Variants in SCARB2 observed in about 807,000 individuals in gnomAD.
The protein encoded by SCARB2 is scavenger receptor class B member 2.
SCARB2 carries 29 observed loss-of-function variants against 58.6 expected under a neutral mutation model. The ratio of observed to expected loss-of-function variants is 0.49; its 90% confidence interval spans 0.37 to 0.67. SCARB2 has a LOEUF of 0.67. SCARB2 is among the 30% of genes least tolerant of loss of function. The pLI, the probability that SCARB2 is intolerant of heterozygous loss-of-function variation, is 0.00. For synonymous variants in SCARB2, 195 were observed against 210.1 expected, an observed-to-expected ratio of 0.93 and a Z score of 0.62; for missense variants, 488 against 578.5, an observed-to-expected ratio of 0.84 and a Z score of 1.60.
intron 1 of SCARB2, among the ~76,000 whole-genome samples, chr4:76,204,088 T>C (rs1732882740): frequency 6.6e-6 from 1 of 152,142 alleles, no homozygotes. Context: ...TGTGTATGGA[T>C]GGTATATTGG....
At chr4:76,176,377 A>T in intron 5 of SCARB2, 60 bp downstream of exon 5, 1 of 1,145,818 alleles carries the variant, frequency 8.7e-7, no homozygotes, top group Non-Finnish European at 1.3e-6. Flanking sequence ...ATGTAGAAGT[A>T]GACATGTAGT....
intron 6 of SCARB2, chr4:76,175,178 C>T (rs1233241416): frequency 6.5e-6 from 1 of 153,038 alleles, no homozygotes; most frequent in Non-Finnish European, 1.5e-5. Flanking sequence ...TAACAAATAC[C>T]TTTGTATCTG....
intron 2 of SCARB2, among the ~76,000 whole-genome samples, chr4:76,190,328 A>T (rs17001606): frequency 0.028 from 4,200 of 152,220 alleles, 150 homozygotes; most frequent in African/African-American, 0.086. Context: ...ATTTTAAATA[A>T]GATGTAACAG....
chr4:76,213,567 G>A lies in SCARB2; in HGVS notation c.-24C>T. ...ATTCTGTGCGCCGCTCACGGGCCGG[G>A]CCGGGCCGCACCCGCCAGGGATCCA... On this transcript the variant is annotated 5_prime_UTR_variant, in exon 1 of 12. Transcript: ENST00000264896. 1 of 1,582,970 alleles carries A rather than the reference G, an allele frequency of 6.3e-7. No individual in the cohort carries two copies. Among genetic ancestry groups the A allele is most frequent in the Non-Finnish European group, 8.6e-7 (1 of 1,159,362 alleles).
At chr4:76,180,613 G>T (rs1732362305) in intron 3 of SCARB2, 1 of 157,788 alleles carries the variant, frequency 6.3e-6, no homozygotes, top group South Asian at 2.0e-4. Context: ...ATTTCTGAAT[G>T]AAAACAAGGG....
chr4:76,178,424 T>A (rs1248242952), intron 4 of SCARB2, among the ~76,000 whole-genome samples: 2 of 152,086 alleles, frequency 1.3e-5, no homozygotes, highest in African/African-American at 4.8e-5. Context: ...ACAAAAAAAG[T>A]GAGTTATATA....
intron 1 of SCARB2, among the ~76,000 whole-genome samples, chr4:76,197,344 C>T (rs79217606): frequency 0.027 from 4,161 of 152,312 alleles, 146 homozygotes; most frequent in African/African-American, 0.085. Context: ...CCTTAAGATG[C>T]ATGGCAAGTT....
In SCARB2 at chr4:76,160,866, A is replaced by C. The variant is rs1731883334; in HGVS notation, c.*847T>G. 6.6e-6 allele frequency: 1 copy of C among 152,174 alleles called. No individual in the cohort carries two copies. The highest frequency in any genetic ancestry group is 2.4e-5 in the African/African-American group (1 of 41,436). 9.4% of individuals were successfully genotyped at this position (152,174 alleles called of 1,614,324 possible). On this transcript the variant is annotated 3_prime_UTR_variant, in exon 12 of 12. Transcript: ENST00000264896. ...ACTCAGGAAGAAAAATCAGTTACTC[A>C]TTACATTCTCTCAGAAGCATCTTTT...
chr4:76,210,720 AAATTGT>A (rs1294374863), intron 1 of SCARB2, among the ~76,000 whole-genome samples: 1 of 152,220 alleles, frequency 6.6e-6, no homozygotes, highest in Non-Finnish European at 1.5e-5. Context: ...AAATGAAACA[AAATTGT>A]CTTGGTTCCT....
At chr4:76,188,243 C>T (rs1039212128) in intron 2 of SCARB2, among the ~76,000 whole-genome samples, 2 of 152,148 alleles carry the variant, frequency 1.3e-5, no homozygotes, top group Non-Finnish European at 2.9e-5. Context: ...AAATTTTATA[C>T]AAATATGTCC....
At chr4:76,199,405 T>C (rs1161989251) in intron 1 of SCARB2, among the ~76,000 whole-genome samples, 9 of 152,254 alleles carry the variant, frequency 5.9e-5, no homozygotes, top group African/African-American at 2.2e-4. Context: ...CAAAAATGTT[T>C]TTATTCATAG....
intron 1 of SCARB2, among the ~76,000 whole-genome samples, chr4:76,201,117 T>C (rs897936035): frequency 2.6e-5 from 4 of 152,184 alleles, no homozygotes; most frequent in Non-Finnish European, 5.9e-5. Context: ...CGCAACCATC[T>C]ACTGTTACCT....
rs373728825 is a variant in SCARB2, at chr4:76,163,203, A to G, written c.1398+22T>C. The G allele has an allele frequency of 5.5e-4, 894 of 1,614,092 alleles. 2 individuals are homozygous for G. The highest frequency in any genetic ancestry group is 7.0e-4 in the South Asian group (64 of 91,074). ...AGGTAAAGTTATCCAGTAAGGAAGA[A>G]GTTCCTTCAGCCAGTTCTCACCTCA... On this transcript the variant is annotated intron_variant, in intron 11 of 11. Coordinates refer to ENST00000264896, the MANE Select transcript of SCARB2 (RefSeq NM_005506.4).
chr4:76,207,641 T>G (rs997718924), intron 1 of SCARB2, among the ~76,000 whole-genome samples: 1 of 152,222 alleles, frequency 6.6e-6, no homozygotes, highest in Non-Finnish European at 1.5e-5. Flanking sequence ...CCTTAGTGTA[T>G]AGTGTATAGA....
chr4:76,202,752 A>C (rs1432303149), intron 1 of SCARB2, among the ~76,000 whole-genome samples: 2 of 152,224 alleles, frequency 1.3e-5, no homozygotes, highest in Admixed American at 1.3e-4. Context: ...TATTTTAAAC[A>C]AAATTGAGAT....
intron 7 of SCARB2, among the ~76,000 whole-genome samples, chr4:76,172,038 T>C (rs1732140699): frequency 6.7e-6 from 1 of 148,842 alleles, no homozygotes; most frequent in South Asian, 2.1e-4. Context: ...TATATTAAAA[T>C]ATAGCAAATA....
In SCARB2 at chr4:76,174,283, C is replaced by CT. The variant is rs753172129; in HGVS notation, c.854dup (p.Ser286GlufsTer11). On this transcript the variant is annotated frameshift_variant, in exon 7 of 12. Transcript: ENST00000264896. LOFTEE classifies it high-confidence loss of function. ...GAAAGGCAGGCAGTCCCTGTACACTCTCATAGTCACTGAAAGTAATATACA... is the reference window on the plus strand; with the variant it reads ...GAAAGGCAGGCAGTCCCTGTACACTCTTCATAGTCACTGAAAGTAATATACA... The CT allele has an allele frequency of 6.2e-7, 1 of 1,614,130 alleles. No individual in the cohort carries two copies. The highest frequency in any genetic ancestry group is 1.7e-5 in the Admixed American group (1 of 60,022).
chr4:76,213,745 G>C lies in SCARB2; in HGVS notation c.-202C>G, dbSNP rs1323910822. ...CCGGGTGCACCGGGCGGATGGGGCC[G>C]CGGAGGGACGGGCCCGGACTCGGTT... On this transcript the variant is annotated 5_prime_UTR_variant, in exon 1 of 12. Transcript: ENST00000264896. 2.1e-6 allele frequency: 1 copy of C among 473,252 alleles called. No homozygotes were observed. The highest frequency in any genetic ancestry group is 3.7e-6 in the Non-Finnish European group (1 of 270,488). The allele number at this position is 473,252 out of a possible 1,614,324, so 29.3% of individuals were successfully genotyped here. A position where few individuals can be genotyped will look rare whatever the true frequency, so the allele number is the denominator to read the frequency against.
At chr4:76,230,919 C>T (rs114886955) in intron 1 of SCARB2, among the ~76,000 whole-genome samples, 1,933 of 152,270 alleles carry the variant, frequency 0.013, 49 homozygotes, top group African/African-American at 0.045. Context: ...TGGCAGGAAT[C>T]AGCCACGATC....
Sources: allele counts gnomAD v4.1 joint callset (sites outside exome capture counted in the v4.1 genomes callset), GRCh38; gene constraint gnomAD v4.1.1; transcripts MANE v1.5; gene names NCBI Gene and HGNC (gene_info 2026-07-23, HGNC 2026-07-21).